Variants in SGCZ observed in about 807,000 individuals in gnomAD.
SGCZ encodes the protein sarcoglycan zeta, also known as zeta-sarcoglycan.
In SGCZ, 40 loss-of-function variants were observed where a neutral mutation model predicts 41.3. That is an observed-to-expected ratio of 0.97 (90% confidence interval 0.75 to 1.26). The LOEUF (loss-of-function observed/expected upper bound fraction) is 1.26, where lower values mean the gene tolerates loss of function less well. Ranked by LOEUF, SGCZ falls within the 50% of genes most tolerant of loss-of-function variation. The pLI is 0.00. For missense variants in SGCZ, 552 were observed against 369.8 expected (o/e 1.49, Z -4.04); for synonymous variants, 206 against 137.5 (o/e 1.50, Z -3.49).
chr8:14,807,436 G>A (rs1286397214), intron 1 of SGCZ, among the ~76,000 whole-genome samples: 10 of 152,076 alleles, frequency 6.6e-5, no homozygotes, highest in South Asian at 4.2e-4. Context: ...TACACCAAGA[G>A]CAGACAAACA....
chr8:14,551,519 TATATA>T (rs1803835492), intron 2 of SGCZ, among the ~76,000 whole-genome samples: 3 of 5,178 alleles, frequency 5.8e-4, no homozygotes, highest in African/African-American at 2.1e-3. Context: ...ATATATATTA[TATATA>T]ATATATATAA....
chr8:14,462,323 C>T (rs1358225645), intron 2 of SGCZ, among the ~76,000 whole-genome samples: 7 of 151,728 alleles, frequency 4.6e-5, no homozygotes, highest in Admixed American at 4.6e-4. Context: ...ACAAAAATTC[C>T]ATGTAATTTG....
intron 1 of SGCZ, among the ~76,000 whole-genome samples, chr8:14,728,525 G>T (rs892167076): frequency 6.6e-6 from 1 of 151,876 alleles, no homozygotes; most frequent in Non-Finnish European, 1.5e-5. Context: ...ATTATGAATA[G>T]TAAAATAATG....
At chr8:14,908,762 A>AG (rs1460071266) in intron 1 of SGCZ, among the ~76,000 whole-genome samples, 19 of 150,594 alleles carry the variant, frequency 1.3e-4, no homozygotes, top group African/African-American at 2.4e-4. Context: ...AAAAAAAAAA[A>AG]AGAGAGAGAG....
intron 4 of SGCZ, among the ~76,000 whole-genome samples, chr8:14,230,063 G>T (rs1229308985): frequency 6.6e-6 from 1 of 152,068 alleles, no homozygotes; most frequent in Non-Finnish European, 1.5e-5. Flanking sequence ...CAAAATACGT[G>T]CCTATGCTCT....
At chr8:15,187,415 C>CA (rs1489761825) in intron 1 of SGCZ, among the ~76,000 whole-genome samples, 1 of 151,966 alleles carries the variant, frequency 6.6e-6, no homozygotes, top group Non-Finnish European at 1.5e-5. Flanking sequence ...TTTTTTAGAA[C>CA]AGGATAGTTT....
At position 14,342,306 on chromosome 8, in the gene SGCZ, G is replaced by C. The variant is rs184073250; in HGVS notation, c.235-18102C>G. Reference sequence around the variant, plus strand: ...TTGGAGAAATGATTTAGAATATCTGGCAGAAGAAATTTCTTTTTTTTTCTT... The same window carrying C: ...TTGGAGAAATGATTTAGAATATCTGCCAGAAGAAATTTCTTTTTTTTTCTT... On this transcript the variant is annotated intron_variant, in intron 2 of 7. Coordinates refer to ENST00000382080, the MANE Select transcript of SGCZ (RefSeq NM_139167.4). Among the ~76,000 whole-genome samples, 419 of 152,112 alleles carry C rather than the reference G, an allele frequency of 2.8e-3. 4 individuals carry two copies. Among genetic ancestry groups the C allele is most frequent in the African/African-American group, 9.6e-3 (397 of 41,526 alleles).
intron 1 of SGCZ, among the ~76,000 whole-genome samples, chr8:14,987,929 C>T (rs1801878970): frequency 6.6e-6 from 1 of 151,882 alleles, no homozygotes; most frequent in Non-Finnish European, 1.5e-5. Flanking sequence ...TTGTCAGTGT[C>T]GTCTCAATGT....
chr8:15,171,288 C>A (rs2117063248), intron 1 of SGCZ, among the ~76,000 whole-genome samples: 1 of 152,298 alleles, frequency 6.6e-6, no homozygotes, highest in East Asian at 1.9e-4. Context: ...GTAAAAGAAT[C>A]CAGTCCCAAT....
chr8:14,824,807 G>A (rs1802238995), intron 1 of SGCZ, among the ~76,000 whole-genome samples: 1 of 151,950 alleles, frequency 6.6e-6, no homozygotes, highest in South Asian at 2.1e-4. Flanking sequence ...ATGTAGTATA[G>A]AAATCCTTCT....
chr8:14,939,223 G>C (rs902878401), intron 1 of SGCZ, among the ~76,000 whole-genome samples: 1 of 152,074 alleles, frequency 6.6e-6, no homozygotes, highest in African/African-American at 2.4e-5. Flanking sequence ...ACTTGAGTTA[G>C]TCCTGACCCA....
At chr8:14,601,256 G>A (rs550249499) in intron 1 of SGCZ, among the ~76,000 whole-genome samples, 1 of 151,906 alleles carries the variant, frequency 6.6e-6, no homozygotes, top group Non-Finnish European at 1.5e-5. Flanking sequence ...TTGACGGACA[G>A]GTAGCTTGTT....
At chr8:14,250,917 A>G (rs968323964) in intron 3 of SGCZ, among the ~76,000 whole-genome samples, 1 of 152,108 alleles carries the variant, frequency 6.6e-6, no homozygotes, top group Non-Finnish European at 1.5e-5. Flanking sequence ...TTATTAAGCT[A>G]GAGATGTGTA....
intron 1 of SGCZ, among the ~76,000 whole-genome samples, chr8:14,985,275 A>G (rs989631314): frequency 2.6e-5 from 4 of 152,294 alleles, no homozygotes; most frequent in African/African-American, 9.6e-5. Flanking sequence ...TAAAGCATCC[A>G]AAATCATAAA....
At chr8:15,059,414 T>C (rs1804835900) in intron 1 of SGCZ, among the ~76,000 whole-genome samples, 1 of 152,188 alleles carries the variant, frequency 6.6e-6, no homozygotes. Flanking sequence ...GAATAAATTT[T>C]CTAAGAATGA....
chr8:14,438,961 T>A (rs974050146), intron 2 of SGCZ, among the ~76,000 whole-genome samples: 1 of 152,020 alleles, frequency 6.6e-6, no homozygotes, highest in South Asian at 2.1e-4. Flanking sequence ...AATTCAAAAA[T>A]AATTTTTGTA....
intron 2 of SGCZ, among the ~76,000 whole-genome samples, chr8:14,532,548 T>C (rs1478535087): frequency 6.6e-6 from 1 of 151,882 alleles, no homozygotes; most frequent in Admixed American, 6.6e-5. Context: ...TAACTGTTCT[T>C]ATGCTTTGTG....
chr8:14,978,613 T>G (rs755185683), intron 1 of SGCZ, among the ~76,000 whole-genome samples: 3 of 151,986 alleles, frequency 2.0e-5, no homozygotes, highest in African/African-American at 2.4e-5. Flanking sequence ...AGTTAGGTTT[T>G]GCCAGCTGCA....
At chr8:14,483,597 T>G (rs1801593319) in intron 2 of SGCZ, among the ~76,000 whole-genome samples, 1 of 152,166 alleles carries the variant, frequency 6.6e-6, no homozygotes, top group Non-Finnish European at 1.5e-5. Flanking sequence ...AAAAGGTATT[T>G]GATTTCAACA....
Sources: gnomAD v4.1 joint callset for allele counts (sites outside exome capture counted in the v4.1 genomes callset) on GRCh38, gnomAD v4.1.1 for gene constraint, MANE v1.5 for transcripts, NCBI Gene and HGNC (gene_info 2026-07-23, HGNC 2026-07-21) for gene names.